The following LPP variants were observed in gnomAD, a reference collection of about 807,000 sequenced individuals.
LPP encodes the protein LIM domain containing preferred translocation partner in lipoma.
A neutral mutation model predicts 60.4 loss-of-function variants in LPP; 38 were observed. The ratio of observed to expected loss-of-function variants is 0.63; its 90% CI spans 0.49 to 0.83. The LOEUF (loss-of-function observed/expected upper bound fraction) is 0.83. Among genes scored for constraint, LPP ranks in the 40% least tolerant of loss-of-function variants. The probability of loss-of-function intolerance (pLI) is 0.00; values close to 1 mark genes in which losing one functional copy is unlikely to be tolerated. For synonymous variants in LPP, 328 were observed against 290.8 expected (o/e 1.13, Z -1.30); for missense variants, 902 against 783.6 (o/e 1.15, Z -1.80).
intron 8 of LPP, among the ~76,000 whole-genome samples, chr3:188,741,516 T>C (rs577722748): frequency 1.3e-5 from 2 of 152,150 alleles, no homozygotes; most frequent in African/African-American, 4.8e-5. Flanking sequence ...GAACTGACAC[T>C]TTAACAATAT....
At chr3:188,230,507 G>A (rs752809666) in intron 2 of LPP, among the ~76,000 whole-genome samples, 3 of 152,152 alleles carry the variant, frequency 2.0e-5, no homozygotes, top group Non-Finnish European at 4.4e-5. Context: ...AAATAGGCCA[G>A]GCGTAGTGGC....
chr3:188,259,784 G>A (rs569863869), intron 2 of LPP, among the ~76,000 whole-genome samples: 5 of 152,288 alleles, frequency 3.3e-5, no homozygotes, highest in African/African-American at 9.6e-5. Context: ...GAGGACTACT[G>A]TGATGGCGTA....
At chr3:188,607,989 CTG>C (rs1392227112) in intron 6 of LPP, among the ~76,000 whole-genome samples, 1 of 152,074 alleles carries the variant, frequency 6.6e-6, no homozygotes, top group East Asian at 1.9e-4. Flanking sequence ...ATGTAAAGCT[CTG>C]TGAGGTTAAT....
intron 8 of LPP, among the ~76,000 whole-genome samples, chr3:188,750,311 A>G (rs1438245845): frequency 1.3e-5 from 2 of 152,206 alleles, no homozygotes; most frequent in African/African-American, 2.4e-5. Flanking sequence ...TGATCATTGG[A>G]GAAATACTCA....
chr3:188,782,182 A>G (rs759874322), intron 9 of LPP, among the ~76,000 whole-genome samples: 19 of 152,186 alleles, frequency 1.2e-4, no homozygotes, highest in Non-Finnish European at 2.4e-4. Flanking sequence ...ACTTTTTTCA[A>G]CTAAAGGGAA....
intron 9 of LPP, among the ~76,000 whole-genome samples, chr3:188,842,575 A>G (rs1760310640): frequency 6.6e-6 from 1 of 152,184 alleles, no homozygotes; most frequent in Admixed American, 6.5e-5. Context: ...GGTGTTACTC[A>G]AGAAATCTTT....
At chr3:188,630,967 A>T (rs1407927019) in intron 7 of LPP, among the ~76,000 whole-genome samples, 1 of 152,144 alleles carries the variant, frequency 6.6e-6, no homozygotes, top group Non-Finnish European at 1.5e-5. Context: ...TGGGAGCTAA[A>T]CACTGAATAC....
intron 1 of LPP, among the ~76,000 whole-genome samples, chr3:188,164,101 C>T (rs546482505): frequency 7.8e-4 from 119 of 152,084 alleles, no homozygotes; most frequent in Non-Finnish European, 2.4e-4. Flanking sequence ...AAGAGAGTGC[C>T]GTGGGAGAGG....
intron 1 of LPP, among the ~76,000 whole-genome samples, chr3:188,202,005 TGTTGAGTGGCA>T (rs993788574): frequency 2.0e-5 from 3 of 151,340 alleles, no homozygotes; most frequent in African/African-American, 7.3e-5. Context: ...AAAGAATATG[TGTTGAGTGGCA>T]ATGGGAGAAA....
At chr3:188,666,745 A>G (rs971499738) in intron 7 of LPP, among the ~76,000 whole-genome samples, 1 of 152,168 alleles carries the variant, frequency 6.6e-6, no homozygotes, top group Non-Finnish European at 1.5e-5. Flanking sequence ...AGTAAATACA[A>G]TCATAAAAAT....
chr3:188,300,541 G>A (rs1375393810), intron 2 of LPP, among the ~76,000 whole-genome samples: 4 of 148,548 alleles, frequency 2.7e-5, no homozygotes, highest in Non-Finnish European at 5.9e-5. Context: ...TTGGAGTTTA[G>A]CAGTACTTTT....
At chr3:188,697,681 T>C (rs941775030) in intron 7 of LPP, among the ~76,000 whole-genome samples, 2 of 152,198 alleles carry the variant, frequency 1.3e-5, no homozygotes, top group African/African-American at 4.8e-5. Flanking sequence ...TAATATTCTG[T>C]TTAGATAATT....
At chr3:188,379,955 G>A (rs1397563861) in intron 3 of LPP, among the ~76,000 whole-genome samples, 1 of 152,134 alleles carries the variant, frequency 6.6e-6, no homozygotes, top group African/African-American at 2.4e-5. Flanking sequence ...TAAGTTGGGA[G>A]CAGATCATGG....
intron 4 of LPP, among the ~76,000 whole-genome samples, chr3:188,441,613 T>C (rs4322990): frequency 0.57 from 29,823 of 52,358 alleles, 7,806 homozygotes; most frequent in East Asian, 0.69. Flanking sequence ...TCTTTTCTTT[T>C]TTTTTTTTTT....
chr3:188,186,199 G>T (rs576094846), intron 1 of LPP, among the ~76,000 whole-genome samples: 1 of 152,298 alleles, frequency 6.6e-6, no homozygotes, highest in Non-Finnish European at 1.5e-5. Context: ...CCAGGCCTTG[G>T]TGTGCTTCTG....
intron 7 of LPP, among the ~76,000 whole-genome samples, chr3:188,690,565 G>A (rs1278170117): frequency 6.6e-6 from 1 of 152,114 alleles, no homozygotes; most frequent in Admixed American, 6.5e-5. Context: ...TTCCCTTTGA[G>A]CACAAGCAAT....
At chr3:188,775,155 C>T (rs574787611) in intron 9 of LPP, among the ~76,000 whole-genome samples, 7 of 151,458 alleles carry the variant, frequency 4.6e-5, no homozygotes, top group Admixed American at 6.6e-5. Flanking sequence ...CAGATTCAAG[C>T]GATTCTCCTG....
At chr3:188,546,613 T>C (rs1188469346) in intron 6 of LPP, among the ~76,000 whole-genome samples, 1 of 152,142 alleles carries the variant, frequency 6.6e-6, no homozygotes, top group Non-Finnish European at 1.5e-5. Context: ...GGAAGGCAGC[T>C]GAGTAAGTAA....
At position 188,406,312 on chromosome 3, in the gene LPP, G is replaced by T; in HGVS notation, c.192G>T (p.Glu64Asp). 6.2e-7 allele frequency: 1 copy of T among 1,613,344 alleles called. No individual in the cohort carries two copies. Among genetic ancestry groups the T allele is most frequent in the Non-Finnish European group, 8.5e-7 (1 of 1,179,590 alleles). The change falls in exon 4 of 12, where the codon GAG becomes GAT. Residue 64 changes from glutamate to aspartate, a missense_variant and splice_region_variant. Glu to Asp is a conservative substitution (Grantham distance 45, BLOSUM62 2). Transcript: ENST00000617246. ...KYNPYKQPGG[E>D]GDFLPPPPPP... ...ACCCATACAAACAACCTGGAGGTGA[G>T]GGTAAGTGCTGGGATTTCAGAGTTG...
Sources: allele counts gnomAD v4.1 joint callset (sites outside exome capture counted in the v4.1 genomes callset), GRCh38; gene constraint gnomAD v4.1.1; transcripts MANE v1.5; gene names NCBI Gene and HGNC (gene_info 2026-07-23, HGNC 2026-07-21).